Variants in EXOC6B observed in about 807,000 individuals in gnomAD.
EXOC6B encodes exocyst complex component 6B.
In EXOC6B, 54 loss-of-function variants were observed where a neutral mutation model predicts 113.5. The ratio of observed to expected loss-of-function variants is 0.48; its 90% CI spans 0.38 to 0.60. EXOC6B has a LOEUF of 0.60. Among genes scored for constraint, EXOC6B ranks in the 20% least tolerant of loss-of-function variants. EXOC6B has a pLI of 0.00. For synonymous variants in EXOC6B, 357 were observed against 339.0 expected, an observed-to-expected ratio of 1.05 and a Z score of -0.58; for missense variants, 797 against 977.5, an observed-to-expected ratio of 0.82 and a Z score of 2.46.
Position 72,741,508 on chromosome 2 carries a change from C to T in EXOC6B, c.114-39G>A, listed in dbSNP as rs531845330. ...TGGCACGAAGATTATACCATGGTTA[C>T]TTCTAAGAAGGAAAAACAAAATTAT... On this transcript the variant is annotated intron_variant, in intron 1 of 21. Transcript: ENST00000272427. 31 of 1,545,900 alleles carry T rather than the reference C, an allele frequency of 2.0e-5. 1 individual carries two copies. Among genetic ancestry groups the T allele is most frequent in the African/African-American group, 1.3e-4 (9 of 71,762 alleles).
chr2:72,206,042 A>C (rs1335140339), intron 20 of EXOC6B, among the ~76,000 whole-genome samples: 1 of 152,206 alleles, frequency 6.6e-6, no homozygotes, highest in Non-Finnish European at 1.5e-5. Flanking sequence ...CACAGGGGAA[A>C]AAGGATAATA....
At chr2:72,567,213 G>GA (rs896816255) in intron 7 of EXOC6B, among the ~76,000 whole-genome samples, 197 of 150,902 alleles carry the variant, frequency 1.3e-3, no homozygotes, top group African/African-American at 4.6e-3. Context: ...TCAAACAGAA[G>GA]AAAAAAAAAT....
intron 20 of EXOC6B, among the ~76,000 whole-genome samples, chr2:72,287,011 C>T (rs1254638391): frequency 6.6e-6 from 1 of 151,422 alleles, no homozygotes; most frequent in Non-Finnish European, 1.5e-5. Flanking sequence ...GCTTTAAATG[C>T]ACACATTAAA....
intron 1 of EXOC6B, among the ~76,000 whole-genome samples, chr2:72,800,300 C>G (rs932509139): frequency 5.3e-5 from 8 of 151,940 alleles, no homozygotes; most frequent in Non-Finnish European, 8.8e-5. Flanking sequence ...GAGATAAGCA[C>G]TATTCTTATC....
intron 11 of EXOC6B, among the ~76,000 whole-genome samples, chr2:72,503,425 G>A (rs112120470): frequency 6.6e-6 from 1 of 152,270 alleles, no homozygotes; most frequent in African/African-American, 2.4e-5. Flanking sequence ...TTCCAGAATG[G>A]CATATAGTTG....
chr2:72,636,377 G>GAAGGAAGC lies in EXOC6B; in HGVS notation c.670-60710_670-60709insGCTTCCTT, dbSNP rs1423538257. 1.5e-3 allele frequency among the ~76,000 whole-genome samples: 222 copies of GAAGGAAGC among 146,232 alleles called. 1 individual carries two copies. The highest frequency in any genetic ancestry group is 5.7e-3 in the African/African-American group (218 of 38,462). On this transcript the variant is annotated intron_variant, in intron 6 of 21. Coordinates refer to ENST00000272427, the MANE Select transcript of EXOC6B (RefSeq NM_015189.3). ...GGAAGGAAGGAAGGAAGGAAGCAAG[G>GAAGGAAGC]AAGCAAGGAAGGGAGGGAAGATGAA...
At chr2:72,612,291 A>G in intron 6 of EXOC6B, among the ~76,000 whole-genome samples, 1 of 151,978 alleles carries the variant, frequency 6.6e-6, no homozygotes, top group Non-Finnish European at 1.5e-5. Context: ...AAAAAGAAAA[A>G]ATCATCTTGG....
chr2:72,346,562 G>A (rs2104926436), intron 19 of EXOC6B, among the ~76,000 whole-genome samples: 1 of 152,146 alleles, frequency 6.6e-6, no homozygotes, highest in South Asian at 2.1e-4. Context: ...TTCACTTCAA[G>A]ATTTAAAAAA....
chr2:72,300,726 C>G (rs1558536112), intron 20 of EXOC6B, among the ~76,000 whole-genome samples: 4 of 152,110 alleles, frequency 2.6e-5, no homozygotes, highest in Admixed American at 2.6e-4. Context: ...GGCCGGAGTG[C>G]GAGTGCACCA....
chr2:72,264,311 C>T (rs1003108167), intron 20 of EXOC6B, among the ~76,000 whole-genome samples: 1 of 152,162 alleles, frequency 6.6e-6, no homozygotes, highest in Non-Finnish European at 1.5e-5. Context: ...TGGCTCATGC[C>T]TGTAATCTCA....
intron 20 of EXOC6B, among the ~76,000 whole-genome samples, chr2:72,216,841 A>T (rs1432218277): frequency 6.6e-6 from 1 of 152,098 alleles, no homozygotes; most frequent in Admixed American, 6.6e-5. Context: ...CATAAGTGGG[A>T]CCTGAACAAT....
chr2:72,475,073 G>A (rs1218597312), intron 17 of EXOC6B, among the ~76,000 whole-genome samples: 1 of 152,112 alleles, frequency 6.6e-6, no homozygotes, highest in East Asian at 1.9e-4. Flanking sequence ...TATTAAATGA[G>A]GCTGTGGTTT....
chr2:72,592,182 C>G (rs893544887), intron 6 of EXOC6B, among the ~76,000 whole-genome samples: 4 of 152,106 alleles, frequency 2.6e-5, no homozygotes, highest in African/African-American at 9.6e-5. Context: ...AAAAAGATGG[C>G]AAAAACCTTT....
At chr2:72,237,560 C>T (rs1019580040) in intron 20 of EXOC6B, among the ~76,000 whole-genome samples, 1 of 152,178 alleles carries the variant, frequency 6.6e-6, no homozygotes, top group Non-Finnish European at 1.5e-5. Flanking sequence ...GGCTAAAAAT[C>T]TAAAGCATGC....
intron 18 of EXOC6B, among the ~76,000 whole-genome samples, chr2:72,415,179 A>G (rs532145758): frequency 9.2e-5 from 14 of 152,338 alleles, no homozygotes; most frequent in African/African-American, 3.1e-4. Flanking sequence ...GTCAGGAAAG[A>G]TAATGAGCTT....
Position 72,725,581 on chromosome 2 carries a change from G to A in EXOC6B, c.464+5426C>T, listed in dbSNP as rs191372883. ...TCATTTTTGTATCTTTAGTAGGGAT[G>A]GGGTTTCACCATGTTAGCCAGGCTG... On this transcript the variant is annotated intron_variant, in intron 5 of 21. Coordinates refer to ENST00000272427, the MANE Select transcript of EXOC6B (RefSeq NM_015189.3). Among the ~76,000 whole-genome samples the A allele has an allele frequency of 6.2e-4, 95 of 152,138 alleles. 1 individual carries two copies. The East Asian group carries it at 0.016, about 26-fold the overall frequency.
At chr2:72,443,710 G>T (rs577390259) in intron 18 of EXOC6B, among the ~76,000 whole-genome samples, 1 of 152,116 alleles carries the variant, frequency 6.6e-6, no homozygotes, top group Admixed American at 6.6e-5. Flanking sequence ...TATGTGCAGG[G>T]GAACTCCCCT....
intron 6 of EXOC6B, among the ~76,000 whole-genome samples, chr2:72,683,060 AAGGAAC>A (rs1356542070): frequency 1.3e-5 from 2 of 152,222 alleles, no homozygotes; most frequent in African/African-American, 4.8e-5. Context: ...TACACAGACA[AAGGAAC>A]AGCAATAATG....
At chr2:72,473,646 A>G (rs1393618116) in intron 17 of EXOC6B, among the ~76,000 whole-genome samples, 1 of 152,098 alleles carries the variant, frequency 6.6e-6, no homozygotes, top group African/African-American at 2.4e-5. Flanking sequence ...ATATATTTTA[A>G]GTAAAGAATT....
Sources: gnomAD v4.1 joint callset for allele counts (sites outside exome capture counted in the v4.1 genomes callset) on GRCh38, gnomAD v4.1.1 for gene constraint, MANE v1.5 for transcripts, NCBI Gene and HGNC (gene_info 2026-07-23, HGNC 2026-07-21) for gene names.